CTNNA3: variants seen among roughly 807,000 people sequenced by gnomAD.
CTNNA3 encodes catenin alpha-3.
A neutral mutation model predicts 95.7 loss-of-function variants in CTNNA3; 76 were observed. The ratio of observed to expected loss-of-function variants is 0.79; its 90% CI spans 0.66 to 0.96. The LOEUF is 0.96. CTNNA3 is among the 40% of genes least tolerant of loss of function. CTNNA3 has a pLI of 0.00. For synonymous variants in CTNNA3, 431 were observed against 374.4 expected (o/e 1.15, Z -1.74); for missense variants, 1,191 against 1,089.8 (o/e 1.09, Z -1.31).
At chr10:66,112,563 A>G (rs1482171652) in intron 13 of CTNNA3, among the ~76,000 whole-genome samples, 1 of 152,166 alleles carries the variant, frequency 6.6e-6, no homozygotes, top group African/African-American at 2.4e-5. Flanking sequence ...CTGTATATAT[A>G]GTAGGATCTT....
chr10:67,659,833 C>T (rs2133520200), intron 1 of CTNNA3, among the ~76,000 whole-genome samples: 1 of 152,262 alleles, frequency 6.6e-6, no homozygotes, highest in African/African-American at 2.4e-5. Context: ...CTCGTAAGGT[C>T]TGATATTTTT....
chr10:67,058,289 C>T (rs1181391708), intron 7 of CTNNA3, among the ~76,000 whole-genome samples: 2 of 152,192 alleles, frequency 1.3e-5, no homozygotes, highest in African/African-American at 4.8e-5. Context: ...TAGTCTATCA[C>T]ATCATTCTTA....
intron 17 of CTNNA3, among the ~76,000 whole-genome samples, chr10:65,932,898 C>T (rs960918389): frequency 1.3e-5 from 2 of 152,022 alleles, no homozygotes; most frequent in Non-Finnish European, 2.9e-5. Flanking sequence ...TGTGATTGCT[C>T]GCTCATTCTA....
chr10:66,854,243 T>C (rs528650610), intron 7 of CTNNA3, among the ~76,000 whole-genome samples: 2 of 152,214 alleles, frequency 1.3e-5, no homozygotes, highest in East Asian at 3.9e-4. Context: ...ATATCTCACA[T>C]TACATGTGCA....
chr10:66,455,814 T>G (rs994821902), intron 11 of CTNNA3, among the ~76,000 whole-genome samples: 1 of 152,158 alleles, frequency 6.6e-6, no homozygotes, highest in Non-Finnish European at 1.5e-5. Flanking sequence ...CTGAGCAAAG[T>G]CAAGAACCCT....
At chr10:66,408,598 G>A (rs2093075936) in intron 11 of CTNNA3, among the ~76,000 whole-genome samples, 1 of 152,028 alleles carries the variant, frequency 6.6e-6, no homozygotes, top group South Asian at 2.1e-4. Flanking sequence ...ATCCTACCTA[G>A]GTCAGCCATA....
Position 67,180,383 on chromosome 10 carries a change from C to G in CTNNA3, c.981G>C (p.Arg327=). 1 of 1,613,840 alleles carries G rather than the reference C, an allele frequency of 6.2e-7. No individual in the cohort carries two copies. Among genetic ancestry groups the G allele is most frequent in the Non-Finnish European group, 8.5e-7 (1 of 1,179,884 alleles). The change falls in exon 7 of 18, where the codon CGG becomes CGC. Residue 327 remains arginine (R), a synonymous_variant. Transcript: ENST00000433211. ...GAATGGCGTTGCATTCTGCGATAAT[C>G]CGCTCTCGGTGTAAGTCCCTCGTAC... ...SSCTRDLHRE[R]IIAECNAIRQ... is the part of the protein sequence containing the mutation.
chr10:66,543,905 G>GTATATA (rs1189402508), intron 10 of CTNNA3, among the ~76,000 whole-genome samples: 2 of 102,242 alleles, frequency 2.0e-5, no homozygotes, highest in Non-Finnish European at 3.6e-5. Context: ...TGAGATGTGT[G>GTATATA]TGTGTGTATA....
upstream of CTNNA3, among the ~76,000 whole-genome samples, chr10:67,697,012 A>G (rs1840977847): frequency 6.6e-6 from 1 of 152,234 alleles, no homozygotes; most frequent in African/African-American, 2.4e-5. Context: ...ATTCAAAATA[A>G]AAAGAAAGCA....
intron 16 of CTNNA3, among the ~76,000 whole-genome samples, chr10:65,971,946 A>G (rs1489112695): frequency 6.6e-6 from 1 of 152,156 alleles, no homozygotes; most frequent in African/African-American, 2.4e-5. Flanking sequence ...TGGCACATCA[A>G]AAAGTTAATT....
rs1272960701 is a variant in CTNNA3, at chr10:66,859,650, GCC to G, written c.1048-84128_1048-84127del. On this transcript the variant is annotated intron_variant, in intron 7 of 17. Transcript: ENST00000433211. ...AGAACTGGAAATACCATGTGACCCA[GCC>G]ATCCCATTACTGGGTATATACCCAA... is the stretch of plus-strand genomic sequence containing the variant. 3.5e-5 allele frequency among the ~76,000 whole-genome samples: 5 copies of G among 142,836 alleles called. No individual in the cohort carries two copies. The East Asian group carries it at 9.7e-4, about 28-fold the overall frequency. 93.7% of individuals were successfully genotyped at this position (142,836 alleles called of 152,430 possible).
At chr10:67,015,061 A>G (rs1041695291) in intron 7 of CTNNA3, among the ~76,000 whole-genome samples, 1 of 152,146 alleles carries the variant, frequency 6.6e-6, no homozygotes, top group African/African-American at 2.4e-5. Flanking sequence ...TAAAAAATGG[A>G]AAAACTTTAG....
chr10:67,471,109 G>A (rs1201894262), intron 5 of CTNNA3, among the ~76,000 whole-genome samples: 1 of 152,114 alleles, frequency 6.6e-6, no homozygotes, highest in Non-Finnish European at 1.5e-5. Flanking sequence ...TTACCGGTGT[G>A]AGCCACTGCA....
At chr10:67,412,251 A>G (rs374390300) in intron 5 of CTNNA3, among the ~76,000 whole-genome samples, 2 of 152,294 alleles carry the variant, frequency 1.3e-5, no homozygotes. Flanking sequence ...AAGTCTGACT[A>G]CATGCATGTC....
chr10:67,424,257 A>C (rs777826893), intron 5 of CTNNA3, among the ~76,000 whole-genome samples: 1 of 152,182 alleles, frequency 6.6e-6, no homozygotes, highest in Admixed American at 6.5e-5. Flanking sequence ...CTTTGACAAT[A>C]GATTTTAAAA....
rs574371372 is a variant in CTNNA3 at position 66,105,030 on chromosome 10, C to T, written c.1885-1781G>A. On this transcript the variant is annotated intron_variant, in intron 13 of 17. Transcript: ENST00000433211. ...CACTTTCTTTGTTCTCACACACTTG[C>T]ACTGAGCAATACCCATCCCTTTGCA... Among the ~76,000 whole-genome samples, 56 of 152,310 alleles carry T rather than the reference C, an allele frequency of 3.7e-4. No homozygotes were observed. The South Asian group carries it at 4.4e-3, about 12-fold the overall frequency.
At chr10:66,360,159 AC>A (rs973217793) in intron 12 of CTNNA3, among the ~76,000 whole-genome samples, 1 of 151,296 alleles carries the variant, frequency 6.6e-6, no homozygotes, top group Non-Finnish European at 1.5e-5. Context: ...GCATTTGAAA[AC>A]TTTTAAAGCA....
intron 5 of CTNNA3, among the ~76,000 whole-genome samples, chr10:67,256,820 C>T (rs1866369280): frequency 6.6e-6 from 1 of 152,038 alleles, no homozygotes. Flanking sequence ...ACTGCAAAAA[C>T]TTCAGTATCA....
chr10:67,121,371 A>G (rs374129687), intron 7 of CTNNA3, among the ~76,000 whole-genome samples: 73 of 152,178 alleles, frequency 4.8e-4, no homozygotes, highest in Admixed American at 1.0e-3. Flanking sequence ...AACAAAACCA[A>G]TTTGATAGAG....
Sources: gnomAD v4.1 joint callset for allele counts (sites outside exome capture counted in the v4.1 genomes callset) on GRCh38, gnomAD v4.1.1 for gene constraint, MANE v1.5 for transcripts, NCBI Gene and HGNC (gene_info 2026-07-23, HGNC 2026-07-21) for gene names.